YTHDC1: variants seen among roughly 807,000 people sequenced by gnomAD.
YTHDC1 encodes YTH domain-containing protein 1.
Under a neutral mutation model 107.0 loss-of-function variants are expected in YTHDC1, and 12 were observed. The ratio of observed to expected loss-of-function variants is 0.11; its 90% confidence interval spans 0.07 to 0.18. YTHDC1 has a LOEUF of 0.18. YTHDC1 is among the 10% of genes least tolerant of loss of function. YTHDC1 has a pLI of 1.00. For missense variants in YTHDC1, 635 were observed against 898.8 expected, an observed-to-expected ratio of 0.71 and a Z score of 3.75; for synonymous variants, 280 against 289.5, an observed-to-expected ratio of 0.97 and a Z score of 0.33.
At chr4:68,328,701 C>T (rs534530136) in intron 9 of YTHDC1, among the ~76,000 whole-genome samples, 35 of 152,264 alleles carry the variant, frequency 2.3e-4, no homozygotes, top group African/African-American at 7.7e-4. Context: ...CTTTTTGCTA[C>T]GCTATTATCA....
chr4:68,348,504 A>AT (rs1208005176), intron 1 of YTHDC1, among the ~76,000 whole-genome samples: 3 of 149,096 alleles, frequency 2.0e-5, no homozygotes, highest in Admixed American at 1.3e-4. Flanking sequence ...GCCCAGGGAG[A>AT]TTTTTTAGCA....
chr4:68,339,670 G>A (rs918178037), intron 1 of YTHDC1, among the ~76,000 whole-genome samples: 1 of 152,084 alleles, frequency 6.6e-6, no homozygotes, highest in Non-Finnish European at 1.5e-5. Flanking sequence ...AATGTGTTTG[G>A]AGAGTAAAAG....
At chr4:68,323,245 G>GA (rs572943514) in intron 10 of YTHDC1, among the ~76,000 whole-genome samples, 14 of 149,590 alleles carry the variant, frequency 9.4e-5, no homozygotes, top group East Asian at 3.9e-4. Context: ...TAATACAATG[G>GA]AAAAAAAAAA....
Position 68,320,086 on chromosome 4 carries a change from T to C in YTHDC1, c.1684+37A>G, listed in dbSNP as rs766577555. ...AATTTTTTAATTTTTTTCCAATAAT[T>C]TGAAATCAAATATCTGCAGGATTAT... On this transcript the variant is annotated intron_variant, in intron 12 of 16. Transcript: ENST00000344157. 5 of 1,523,754 alleles carry C rather than the reference T, an allele frequency of 3.3e-6. No individual in the cohort carries two copies. The South Asian group carries it at 3.6e-5, about 11-fold the overall frequency. The allele number at this position is 1,523,754 out of a possible 1,614,324, so 94.4% of individuals were successfully genotyped here.
rs1725929985 is a variant in YTHDC1 at position 68,349,987 on chromosome 4, C to CA, written c.-235dup. ...TAGGCCCAGCCTTCTCGTTAGGGCT[C>CA]AGACTCGGGCTAGGTATGGGGGAGG... On this transcript the variant is annotated 5_prime_UTR_variant, in exon 1 of 17. Coordinates refer to ENST00000344157, the MANE Select transcript of YTHDC1 (RefSeq NM_001031732.4). 3 of 613,582 alleles carry CA rather than the reference C, an allele frequency of 4.9e-6. No individual in the cohort carries two copies. The South Asian group carries it at 5.9e-5, about 12-fold the overall frequency. The allele number at this position is 613,582 out of a possible 1,614,324, so 38.0% of individuals were successfully genotyped here.
chr4:68,318,644 A>G, intron 14 of YTHDC1, 46 bp downstream of exon 14: 1 of 1,610,314 alleles, frequency 6.2e-7, no homozygotes, highest in Non-Finnish European at 8.5e-7. Context: ...AAAATAAATC[A>G]GAGCCTGATT....
At chr4:68,341,587 GAAA>G (rs796864561) in intron 1 of YTHDC1, among the ~76,000 whole-genome samples, 151 of 132,980 alleles carry the variant, frequency 1.1e-3, no homozygotes, top group African/African-American at 4.0e-3. Context: ...TTATTAACAA[GAAA>G]AAAAAAAAAG....
chr4:68,335,491 T>G (rs1316122441), intron 4 of YTHDC1, among the ~76,000 whole-genome samples: 2 of 152,160 alleles, frequency 1.3e-5, no homozygotes, highest in Non-Finnish European at 2.9e-5. Context: ...ACAAAGTGTG[T>G]CAATCAAGTT....
At chr4:68,326,358 ATAAAT>A (rs1178466122) in intron 9 of YTHDC1, among the ~76,000 whole-genome samples, 1 of 152,204 alleles carries the variant, frequency 6.6e-6, no homozygotes, top group Non-Finnish European at 1.5e-5. Flanking sequence ...AGGGCTCAGA[ATAAAT>A]TAAGAAAAAT....
chr4:68,343,832 T>A (rs1460648043), intron 1 of YTHDC1, among the ~76,000 whole-genome samples: 4 of 152,180 alleles, frequency 2.6e-5, no homozygotes, highest in Non-Finnish European at 4.4e-5. Context: ...TGGATTTTTT[T>A]ATAATGTGCC....
In YTHDC1 at chr4:68,312,965, G is replaced by A. The variant is rs2109668010; in HGVS notation, c.*1134C>T. On this transcript the variant is annotated 3_prime_UTR_variant, in exon 17 of 17. Coordinates refer to ENST00000344157, the MANE Select transcript of YTHDC1 (RefSeq NM_001031732.4). ...TTAAAATACAGAACTAATACAAGAG[G>A]GTTAAAAGTCCATTTATGAAGTAAA... 6.6e-6 allele frequency: 1 copy of A among 152,172 alleles called. No homozygotes were observed. The highest frequency in any genetic ancestry group is 3.4e-3 in the Middle Eastern group (1 of 294). 9.4% of individuals were successfully genotyped at this position (152,172 alleles called of 1,614,324 possible).
intron 9 of YTHDC1, 33 bp from the exon 10 acceptor site, chr4:68,324,256 T>C (rs1722741348): frequency 1.3e-6 from 2 of 1,573,162 alleles, no homozygotes; most frequent in Non-Finnish European, 1.7e-6. Flanking sequence ...TACATTCTTC[T>C]GCAGAATCCT....
chr4:68,327,139 G>A (rs1056616935), intron 9 of YTHDC1, among the ~76,000 whole-genome samples: 1 of 151,946 alleles, frequency 6.6e-6, no homozygotes, highest in African/African-American at 2.4e-5. Context: ...GGGAGGCTGA[G>A]GCAGAAGAAT....
chr4:68,320,191 T>A lies in YTHDC1; in HGVS notation c.1616A>T (p.Asp539Val). Residue 539 changes from aspartate to valine, a missense_variant, in exon 12 of 17, where the codon GAT becomes GTT. By Grantham distance (152) the Asp-to-Val change is radical (BLOSUM62 -3). Around this residue, in one of 5 missense-constraint regions of YTHDC1, gnomAD observed 256 missense variants for 372.9 expected, o/e 0.69. Coordinates refer to ENST00000344157, the MANE Select transcript of YTHDC1 (RefSeq NM_001031732.4). ...VRDVGRRRPE[D>V]YDIHNSRKKP... ...CTTTCTGCTGTTATGAATATCATAATCTTCTGGTCGACGCCTACACAAATT... is the reference window on the plus strand; with the variant it reads ...CTTTCTGCTGTTATGAATATCATAAACTTCTGGTCGACGCCTACACAAATT... 1 of 1,607,778 alleles carries A rather than the reference T, an allele frequency of 6.2e-7. No homozygotes were observed. Among genetic ancestry groups the A allele is most frequent in the Non-Finnish European group, 8.5e-7 (1 of 1,178,608 alleles).
At chr4:68,319,056 C>A (rs1301612629) in intron 12 of YTHDC1, among the ~76,000 whole-genome samples, 194 bp from the exon 13 acceptor site, 2 of 152,100 alleles carry the variant, frequency 1.3e-5, no homozygotes, top group African/African-American at 4.8e-5. Flanking sequence ...CTAATGATAT[C>A]ATAGAATTGT....
chr4:68,317,642 T>C (rs936429086), intron 15 of YTHDC1, among the ~76,000 whole-genome samples: 9 of 152,204 alleles, frequency 5.9e-5, no homozygotes, highest in Non-Finnish European at 1.3e-4. Flanking sequence ...ATTAATCTTA[T>C]TTTACACAGA....
rs916213171 is a variant in YTHDC1 at position 68,310,747 on chromosome 4, G to A, written c.*3352C>T. 6.6e-6 allele frequency: 1 copy of A among 152,126 alleles called. No individual in the cohort carries two copies. Among genetic ancestry groups the A allele is most frequent in the Non-Finnish European group, 1.5e-5 (1 of 68,032 alleles). 9.4% of individuals were successfully genotyped at this position (152,126 alleles called of 1,614,324 possible). On this transcript the variant is annotated 3_prime_UTR_variant, in exon 17 of 17. Coordinates refer to ENST00000344157, the MANE Select transcript of YTHDC1 (RefSeq NM_001031732.4). ...CCATGTGTGTCACAGTCACCCTTAC[G>A]TTGGGTCAGGGAACTCTAGCTTGGT...
intron 12 of YTHDC1, among the ~76,000 whole-genome samples, chr4:68,319,860 A>G (rs931532207): frequency 2.6e-5 from 4 of 152,264 alleles, no homozygotes; most frequent in South Asian, 2.1e-4. Context: ...ACATGTGCAG[A>G]TAAGTTTCCA....
intron 4 of YTHDC1, among the ~76,000 whole-genome samples, chr4:68,335,451 C>T (rs1724050821): frequency 6.6e-6 from 1 of 152,014 alleles, no homozygotes; most frequent in Non-Finnish European, 1.5e-5. Flanking sequence ...CTACAGTTAC[C>T]ATTTAATTTG....
Sources: gnomAD v4.1 joint callset for allele counts (sites outside exome capture counted in the v4.1 genomes callset) on GRCh38, gnomAD v4.1.1 for gene constraint, gnomAD v4.1.1 regional missense constraint, MANE v1.5 for transcripts, NCBI Gene and HGNC (gene_info 2026-07-23, HGNC 2026-07-21) for gene names.